Variants in EPM2A observed in about 807,000 individuals in gnomAD.
EPM2A encodes the protein laforin.
In EPM2A, 21 loss-of-function variants were observed where a neutral mutation model predicts 26.5. That is an observed-to-expected ratio of 0.79 (90% confidence interval 0.56 to 1.14). EPM2A has a LOEUF of 1.14. Ranked by LOEUF, EPM2A falls within the 50% of genes most tolerant of loss-of-function variation. The probability of loss-of-function intolerance (pLI) is 0.00; values close to 1 mark genes in which losing one functional copy is unlikely to be tolerated. For missense variants in EPM2A, 458 were observed against 440.8 expected (o/e 1.04, Z -0.35); for synonymous variants, 217 against 177.6 (o/e 1.22, Z -1.76).
At chr6:145,571,671 GC>G (rs1780957401) in intron 2 of EPM2A, among the ~76,000 whole-genome samples, 1 of 152,174 alleles carries the variant, frequency 6.6e-6, no homozygotes, top group Non-Finnish European at 1.5e-5. Context: ...GGTCTCTGCT[GC>G]TGGCAAATCG....
intron 4 of EPM2A, among the ~76,000 whole-genome samples, chr6:145,441,165 C>A (rs935698774): frequency 6.6e-6 from 1 of 152,182 alleles, no homozygotes; most frequent in Non-Finnish European, 1.5e-5. Flanking sequence ...TTTCATGCAC[C>A]CACAGGCTCA....
intron 2 of EPM2A, among the ~76,000 whole-genome samples, chr6:145,568,937 G>C (rs1261626138): frequency 6.6e-6 from 1 of 152,174 alleles, no homozygotes; most frequent in African/African-American, 2.4e-5. Context: ...CTGGTGCCCA[G>C]ACTATAAATG....
intron 2 of EPM2A, among the ~76,000 whole-genome samples, chr6:145,647,523 C>T (rs534754440): frequency 2.2e-4 from 33 of 152,314 alleles, no homozygotes; most frequent in African/African-American, 7.0e-4. Flanking sequence ...AGGCTCTGGC[C>T]TCTCTTGCTC....
chr6:145,472,917 C>G (rs1779494746), intron 4 of EPM2A, among the ~76,000 whole-genome samples: 1 of 150,334 alleles, frequency 6.7e-6, no homozygotes, highest in Admixed American at 6.7e-5. Context: ...AAAAGCCTTC[C>G]CAAAAGGACA....
chr6:145,522,045 C>T (rs1427528484), intron 2 of EPM2A, among the ~76,000 whole-genome samples: 4 of 152,134 alleles, frequency 2.6e-5, no homozygotes, highest in South Asian at 4.1e-4. Context: ...CTCCACCTCC[C>T]GGGTTCACGC....
At chr6:145,630,169 T>C (rs931095142) in intron 3 of EPM2A, 1 of 152,232 alleles carries the variant, frequency 6.6e-6, no homozygotes, top group Non-Finnish European at 1.5e-5. Flanking sequence ...AAGGTACATG[T>C]CAGCTAACAT....
At chr6:145,430,473 C>T (rs772372315) in intron 4 of EPM2A, among the ~76,000 whole-genome samples, 4 of 151,634 alleles carry the variant, frequency 2.6e-5, no homozygotes, top group Non-Finnish European at 4.4e-5. Context: ...TGGTGGTGGG[C>T]GCCTGTATTT....
chr6:145,445,254 A>C (rs1779115821), intron 4 of EPM2A, among the ~76,000 whole-genome samples: 1 of 152,034 alleles, frequency 6.6e-6, no homozygotes, highest in Non-Finnish European at 1.5e-5. Flanking sequence ...AATCTTTATC[A>C]CCTCAGACAG....
intron 2 of EPM2A, among the ~76,000 whole-genome samples, chr6:145,674,186 A>C (rs1779855995): frequency 6.6e-6 from 1 of 152,236 alleles, no homozygotes; most frequent in Admixed American, 6.5e-5. Flanking sequence ...AAACTCCAAC[A>C]GACCTGAAGC....
intron 4 of EPM2A, among the ~76,000 whole-genome samples, chr6:145,422,964 ATT>A (rs2114685243): frequency 6.6e-6 from 1 of 152,192 alleles, no homozygotes; most frequent in African/African-American, 2.4e-5. Context: ...ATGAATATAT[ATT>A]TGTCATATAT....
chr6:145,735,210 G>T lies in EPM2A; in HGVS notation c.289C>A (p.Leu97Ile). The change falls in exon 1 of 4, where the codon CTC becomes ATC. Residue 97 changes from leucine to isoleucine, a missense_variant. Coordinates refer to ENST00000367519, the MANE Select transcript of EPM2A (RefSeq NM_005670.4). Reference protein sequence around the residue: ...KFLKREPGGELSWEGNGPHHD... With the variant: ...KFLKREPGGEISWEGNGPHHD... The stretch of plus-strand genomic sequence containing the variant: ...CTGCTGGCAATACCTTCCCAGGAGA[G>T]CTCTCCTCCCGGCTCCCGCTTCAGG... 1 of 1,526,796 alleles carries T rather than the reference G, an allele frequency of 6.5e-7. No homozygotes were observed. Among genetic ancestry groups the T allele is most frequent in the South Asian group, 1.2e-5 (1 of 82,354 alleles). 94.6% of individuals were successfully genotyped at this position (1,526,796 alleles called of 1,614,324 possible). A position where few individuals can be genotyped will look rare whatever the true frequency, so the allele number is the denominator to read the frequency against.
chr6:145,435,302 T>G (rs1198957575), intron 4 of EPM2A, among the ~76,000 whole-genome samples: 1 of 151,754 alleles, frequency 6.6e-6, no homozygotes, highest in Non-Finnish European at 1.5e-5. Flanking sequence ...TATTTTCACA[T>G]GAGAAGATAA....
chr6:145,666,796 G>A (rs940916495), intron 2 of EPM2A, among the ~76,000 whole-genome samples: 1 of 150,832 alleles, frequency 6.6e-6, no homozygotes, highest in Non-Finnish European at 1.5e-5. Context: ...AAACAGCATG[G>A]TACTGGTACC....
intron 4 of EPM2A, among the ~76,000 whole-genome samples, chr6:145,493,346 A>T (rs1779778219): frequency 6.6e-6 from 1 of 152,178 alleles, no homozygotes; most frequent in South Asian, 2.1e-4. Context: ...CTGTATCCTG[A>T]GACTTTGCTG....
chr6:145,401,018 C>T (rs1023461112), intron 4 of EPM2A, among the ~76,000 whole-genome samples: 1 of 151,882 alleles, frequency 6.6e-6, no homozygotes, highest in Non-Finnish European at 1.5e-5. Flanking sequence ...AATAAAGTAC[C>T]TTTGACTTTA....
At chr6:145,613,429 C>G (rs542374023) in intron 2 of EPM2A, among the ~76,000 whole-genome samples, 1 of 152,222 alleles carries the variant, frequency 6.6e-6, no homozygotes, top group East Asian at 1.9e-4. Flanking sequence ...TTTACCTCCA[C>G]CTATGAATCA....
chr6:145,530,315 G>T (rs1213939606), intron 2 of EPM2A, among the ~76,000 whole-genome samples: 1 of 152,178 alleles, frequency 6.6e-6, no homozygotes, highest in Non-Finnish European at 1.5e-5. Context: ...GGATGAGAGG[G>T]TAATTGAATT....
chr6:145,735,128 C>G, intron 1 of EPM2A, 70 bp downstream of exon 1: 2 of 1,245,176 alleles, frequency 1.6e-6, no homozygotes, highest in Non-Finnish European at 2.2e-6. Flanking sequence ...TGCCCGAGGC[C>G]GAGGCCCCGG....
intron 4 of EPM2A, among the ~76,000 whole-genome samples, chr6:145,455,833 A>G (rs1779256228): frequency 6.6e-6 from 1 of 152,154 alleles, no homozygotes; most frequent in Non-Finnish European, 1.5e-5. Flanking sequence ...TTTCTGAAAA[A>G]TTTTTACATT....
Sources: allele counts gnomAD v4.1 joint callset (sites outside exome capture counted in the v4.1 genomes callset), GRCh38; gene constraint gnomAD v4.1.1; transcripts MANE v1.5; gene names NCBI Gene and HGNC (gene_info 2026-07-23, HGNC 2026-07-21).